Variants in SCARA5 observed in about 807,000 individuals in gnomAD.
SCARA5 encodes the protein scavenger receptor class A member 5, also known as scavenger receptor class A, member 5 (putative).
A neutral mutation model predicts 46.3 loss-of-function variants in SCARA5; 45 were observed. That is an observed-to-expected ratio of 0.97 (90% confidence interval 0.76 to 1.24). The LOEUF is 1.24. Ranked by LOEUF, SCARA5 falls within the 50% of genes most tolerant of loss-of-function variation. SCARA5 has a pLI of 0.00. For synonymous variants in SCARA5, 333 were observed against 306.5 expected, an observed-to-expected ratio of 1.09 and a Z score of -0.90; for missense variants, 680 against 689.0, an observed-to-expected ratio of 0.99 and a Z score of 0.15.
At chr8:27,932,907 A>T (rs1433132883) in intron 3 of SCARA5, among the ~76,000 whole-genome samples, 1 of 152,244 alleles carries the variant, frequency 6.6e-6, no homozygotes, top group Non-Finnish European at 1.5e-5. Flanking sequence ...CTGGGATTAC[A>T]GGCGTCAGCC....
At chr8:27,939,811 TAG>T (rs1033642234) in intron 3 of SCARA5, among the ~76,000 whole-genome samples, 1 of 152,174 alleles carries the variant, frequency 6.6e-6, no homozygotes, top group African/African-American at 2.4e-5. Context: ...AGATGAAGCT[TAG>T]AGAGATCAGG....
At chr8:27,978,831 C>T (rs1299267066) in intron 2 of SCARA5, among the ~76,000 whole-genome samples, 1 of 152,096 alleles carries the variant, frequency 6.6e-6, no homozygotes, top group Admixed American at 6.5e-5. Flanking sequence ...AGTGCAGTCC[C>T]TCAGGTCTCT....
intron 2 of SCARA5, among the ~76,000 whole-genome samples, chr8:27,972,415 A>ACAC (rs1298934127): frequency 6.6e-6 from 1 of 152,244 alleles, no homozygotes; most frequent in East Asian, 1.9e-4. Flanking sequence ...GGCATCTTGA[A>ACAC]CACCACTATG....
At chr8:27,933,846 A>T (rs1807814775) in intron 3 of SCARA5, among the ~76,000 whole-genome samples, 1 of 152,158 alleles carries the variant, frequency 6.6e-6, no homozygotes, top group Non-Finnish European at 1.5e-5. Flanking sequence ...TCAAAATCAT[A>T]ATTATAAAAG....
intron 3 of SCARA5, among the ~76,000 whole-genome samples, chr8:27,947,724 A>AAG (rs1388741911): frequency 6.6e-6 from 1 of 151,938 alleles, no homozygotes; most frequent in East Asian, 1.9e-4. Flanking sequence ...AAAAAAAAAA[A>AAG]AAAAGTCAGG....
intron 3 of SCARA5, among the ~76,000 whole-genome samples, chr8:27,939,070 A>T (rs939717162): frequency 6.6e-6 from 1 of 152,232 alleles, no homozygotes; most frequent in Non-Finnish European, 1.5e-5. Context: ...TTTATACCAT[A>T]CACAGAATAT....
intron 7 of SCARA5, chr8:27,904,412 T>G: frequency 2.3e-6 from 1 of 434,884 alleles, no homozygotes. Context: ...TTTACACAGA[T>G]TAACTCATTC....
chr8:27,946,571 T>TAAGCCAC (rs1563534739), intron 3 of SCARA5, among the ~76,000 whole-genome samples: 2 of 152,208 alleles, frequency 1.3e-5, no homozygotes, highest in Non-Finnish European at 2.9e-5. Flanking sequence ...GTTTAAGCCA[T>TAAGCCAC]GCAGGCTGCG....
chr8:27,930,937 A>C (rs572665814), intron 3 of SCARA5, among the ~76,000 whole-genome samples: 1 of 152,290 alleles, frequency 6.6e-6, no homozygotes, highest in Non-Finnish European at 1.5e-5. Context: ...AGAGTGTCAG[A>C]AGGGATGGGA....
intron 2 of SCARA5, among the ~76,000 whole-genome samples, chr8:27,972,871 A>C (rs1233263562): frequency 6.6e-6 from 1 of 152,088 alleles, no homozygotes; most frequent in African/African-American, 2.4e-5. Flanking sequence ...CCAAAAAGAG[A>C]AAAAAGTTCT....
At chr8:27,880,486 C>G (rs995085210) in intron 7 of SCARA5, among the ~76,000 whole-genome samples, 2 of 151,458 alleles carry the variant, frequency 1.3e-5, no homozygotes, top group African/African-American at 4.8e-5. Flanking sequence ...CACCAAAGGT[C>G]TAATATCTGG....
In SCARA5 at chr8:27,966,231, G is replaced by A. The variant is rs538466615; in HGVS notation, c.241+183C>T. ...CTCTTTGATTCCACAAGCTCACATA[G>A]CCCCTGCCAGCTACTCCCACGCAAA... On this transcript the variant is annotated intron_variant, in intron 3 of 8. Coordinates refer to ENST00000354914, the MANE Select transcript of SCARA5 (RefSeq NM_173833.6). Among the ~76,000 whole-genome samples, 5 of 152,242 alleles carry A rather than the reference G, an allele frequency of 3.3e-5. No individual in the cohort carries two copies. In the South Asian group the frequency reaches 1.0e-3, roughly 32 times the overall value.
At chr8:27,909,542 TTG>T in intron 5 of SCARA5, 119 bp downstream of exon 5, 1 of 653,610 alleles carries the variant, frequency 1.5e-6, no homozygotes, top group South Asian at 2.0e-5. Context: ...AACAGAGCGT[TTG>T]AGGCGGAGTT....
At chr8:27,920,990 C>CA (rs1242883792) in intron 4 of SCARA5, among the ~76,000 whole-genome samples, 1 of 145,090 alleles carries the variant, frequency 6.9e-6, no homozygotes, top group Admixed American at 6.8e-5. Flanking sequence ...AAACAGAAAA[C>CA]AAAAAAACAA....
intron 2 of SCARA5, among the ~76,000 whole-genome samples, chr8:27,976,195 C>T (rs2129962504): frequency 6.6e-6 from 1 of 152,234 alleles, no homozygotes; most frequent in South Asian, 2.1e-4. Flanking sequence ...ACCACTGCAG[C>T]CATGCGGGAG....
chr8:27,979,361 A>G (rs1206559437), intron 2 of SCARA5, among the ~76,000 whole-genome samples: 1 of 152,198 alleles, frequency 6.6e-6, no homozygotes, highest in African/African-American at 2.4e-5. Flanking sequence ...GGTGTGGTCT[A>G]TGTATCCATT....
chr8:27,958,258 T>C (rs967361377), intron 3 of SCARA5, among the ~76,000 whole-genome samples: 1 of 152,194 alleles, frequency 6.6e-6, no homozygotes, highest in Non-Finnish European at 1.5e-5. Flanking sequence ...GAATCTTCCA[T>C]GGGAAACTCA....
At chr8:27,876,153 A>C (rs1421982445) in intron 8 of SCARA5, among the ~76,000 whole-genome samples, 1 of 152,210 alleles carries the variant, frequency 6.6e-6, no homozygotes, top group Non-Finnish European at 1.5e-5. Context: ...AGCGTGCACA[A>C]CAGAGCCTGT....
Position 27,922,022 on chromosome 8 carries a change from C to A in SCARA5, c.465G>T (p.Gly155=), listed in dbSNP as rs1807602763. 2 of 1,572,144 alleles carry A rather than the reference C, an allele frequency of 1.3e-6. No homozygotes were observed. The highest frequency in any genetic ancestry group is 2.7e-5 in the African/African-American group (2 of 73,290). Residue 155 remains glycine, a synonymous_variant, in exon 4 of 9, where the codon GGG becomes GGT. Transcript: ENST00000354914. ...AVQRLEGALW[G]LQAQAVQTEQ... ...CGGTCTGCACCGCCTGCGCCTGCAGCCCCCACAGCGCGCCCTCCAGCCGCT... is the reference window on the plus strand; with the variant it reads ...CGGTCTGCACCGCCTGCGCCTGCAGACCCCACAGCGCGCCCTCCAGCCGCT...
Sources: allele counts gnomAD v4.1 joint callset (sites outside exome capture counted in the v4.1 genomes callset), GRCh38; gene constraint gnomAD v4.1.1; transcripts MANE v1.5; gene names NCBI Gene and HGNC (gene_info 2026-07-23, HGNC 2026-07-21).